RBFOX1: variants seen among roughly 807,000 people sequenced by gnomAD.
RBFOX1 encodes RNA binding protein fox-1 homolog 1.
Under a neutral mutation model 57.7 loss-of-function variants are expected in RBFOX1, and 8 were observed. The observed-to-expected ratio is 0.14, with a 90% CI of 0.08 to 0.25. The LOEUF (loss-of-function observed/expected upper bound fraction) is 0.25. Ranked by LOEUF, RBFOX1 falls within the 10% of genes least tolerant of loss-of-function variation. The pLI, the probability that RBFOX1 is intolerant of heterozygous loss-of-function variation, is 1.00. For missense variants in RBFOX1, 611 were observed against 548.5 expected (o/e 1.11, Z -1.14); for synonymous variants, 326 against 222.4 (o/e 1.47, Z -4.15).
chr16:5,901,157 C>T (rs184307915), intron 4 of RBFOX1, among the ~76,000 whole-genome samples: 72 of 152,302 alleles, frequency 4.7e-4, no homozygotes, highest in African/African-American at 1.7e-3. Flanking sequence ...CAGTCATGTT[C>T]GTCTCCCTGG....
intron 3 of RBFOX1, among the ~76,000 whole-genome samples, chr16:6,986,343 C>G (rs544322065): frequency 6.6e-6 from 1 of 152,028 alleles, no homozygotes; most frequent in African/African-American, 2.4e-5. Flanking sequence ...GGATTGCAGG[C>G]GTCTGCCACC....
chr16:7,446,837 G>A (rs554675526), intron 4 of RBFOX1, among the ~76,000 whole-genome samples: 1 of 101,360 alleles, frequency 9.9e-6, no homozygotes, highest in South Asian at 3.8e-4. Flanking sequence ...TTTTGAGACA[G>A]TGTCTCACTC....
At chr16:6,807,367 T>C (rs2087110651) in intron 3 of RBFOX1, among the ~76,000 whole-genome samples, 2 of 152,030 alleles carry the variant, frequency 1.3e-5, no homozygotes, top group African/African-American at 4.8e-5. Context: ...CAAGGATGAG[T>C]GAGTCCAAGT....
intron 3 of RBFOX1, among the ~76,000 whole-genome samples, chr16:6,850,597 C>G (rs138398790): frequency 6.6e-6 from 1 of 152,186 alleles, no homozygotes; most frequent in African/African-American, 2.4e-5. Flanking sequence ...AATTAAAGCA[C>G]TTCTTCCCAT....
At chr16:5,744,816 G>C (rs937351341) in intron 3 of RBFOX1, among the ~76,000 whole-genome samples, 6 of 152,070 alleles carry the variant, frequency 3.9e-5, no homozygotes, top group Admixed American at 6.5e-5. Context: ...GGAGTGCAGT[G>C]GTGCGATCTC....
intron 2 of RBFOX1, among the ~76,000 whole-genome samples, chr16:6,424,639 A>C (rs974490710): frequency 3.6e-4 from 4 of 11,084 alleles, no homozygotes; most frequent in Non-Finnish European, 8.7e-4. Flanking sequence ...GAACGTGGGG[A>C]GATAATTATA....
chr16:5,772,643 C>T (rs1470255928), intron 3 of RBFOX1, among the ~76,000 whole-genome samples: 3 of 152,126 alleles, frequency 2.0e-5, no homozygotes, highest in African/African-American at 7.2e-5. Context: ...GTGATCTATT[C>T]TGGAAGAAAC....
intron 14 of RBFOX1, among the ~76,000 whole-genome samples, chr16:7,696,496 A>G (rs78033814): frequency 0.037 from 5,650 of 152,238 alleles, 135 homozygotes; most frequent in Non-Finnish European, 0.056. Context: ...AGGGTCTGGT[A>G]TGAGAATGGA....
chr16:6,359,127 C>T (rs372996410), intron 2 of RBFOX1, among the ~76,000 whole-genome samples: 40 of 152,254 alleles, frequency 2.6e-4, no homozygotes, highest in African/African-American at 9.1e-4. Context: ...GAGTCTAGCT[C>T]TGTCACCCAG....
At chr16:5,786,874 G>A (rs964882361) in intron 3 of RBFOX1, among the ~76,000 whole-genome samples, 4 of 152,162 alleles carry the variant, frequency 2.6e-5, no homozygotes, top group Non-Finnish European at 4.4e-5. Context: ...GGCAGCTTGC[G>A]CCTGTAATCC....
At chr16:7,030,314 G>A (rs2042464428) in intron 3 of RBFOX1, among the ~76,000 whole-genome samples, 1 of 152,118 alleles carries the variant, frequency 6.6e-6, no homozygotes, top group Non-Finnish European at 1.5e-5. Context: ...AGGAAATGAG[G>A]CATATGAAAT....
chr16:7,347,161 G>T (rs532831886), intron 4 of RBFOX1, among the ~76,000 whole-genome samples: 1 of 152,252 alleles, frequency 6.6e-6, no homozygotes, highest in African/African-American at 2.4e-5. Flanking sequence ...TTTGGTTGTC[G>T]TAAGTGGATG....
At chr16:7,311,938 T>G (rs1316154862) in intron 4 of RBFOX1, among the ~76,000 whole-genome samples, 2 of 152,218 alleles carry the variant, frequency 1.3e-5, no homozygotes, top group Non-Finnish European at 2.9e-5. Context: ...TTTTTTTTGT[T>G]TATTTGGGGA....
At chr16:6,327,048 A>G (rs1160071438) in intron 2 of RBFOX1, among the ~76,000 whole-genome samples, 1 of 152,138 alleles carries the variant, frequency 6.6e-6, no homozygotes, top group African/African-American at 2.4e-5. Context: ...ACATGGAGGA[A>G]ATGAGATTCA....
At chr16:6,883,515 T>C (rs1445487944) in intron 3 of RBFOX1, among the ~76,000 whole-genome samples, 1 of 152,220 alleles carries the variant, frequency 6.6e-6, no homozygotes, top group African/African-American at 2.4e-5. Flanking sequence ...TTATAACTTG[T>C]TGTGTAAAGG....
intron 7 of RBFOX1, among the ~76,000 whole-genome samples, chr16:7,590,863 G>GAAAA (rs36061659): frequency 4.9e-5 from 5 of 102,912 alleles, no homozygotes; most frequent in African/African-American, 1.1e-4. Context: ...CTGTCTCTAA[G>GAAAA]AAAAAAAAAA....
intron 4 of RBFOX1, among the ~76,000 whole-genome samples, chr16:7,305,415 T>C (rs1438479616): frequency 6.6e-6 from 1 of 152,120 alleles, no homozygotes. Flanking sequence ...GGATGTGAAC[T>C]GAAGGGCTAG....
chr16:6,825,431 A>G (rs769851360), intron 3 of RBFOX1, among the ~76,000 whole-genome samples: 11 of 152,102 alleles, frequency 7.2e-5, no homozygotes, highest in Non-Finnish European at 1.3e-4. Context: ...GGCAGGGATG[A>G]TTTGAAAAGG....
rs552757545 is a variant in RBFOX1 at position 5,769,450 on chromosome 16, G to C, written c.319-97853G>C. On this transcript the variant is annotated intron_variant, in intron 3 of 19. Coordinates refer to the RBFOX1 transcript ENST00000641259. Reference sequence around the variant, plus strand: ...GAAGTCAGGAGTTTGAAACCAGCCTGGCCAACATGATGAAAGCCCATCTCT... The same window carrying C: ...GAAGTCAGGAGTTTGAAACCAGCCTCGCCAACATGATGAAAGCCCATCTCT... Among the ~76,000 whole-genome samples the C allele has an allele frequency of 1.2e-3, 178 of 150,992 alleles. 1 individual carries two copies. The highest frequency in any genetic ancestry group is 4.1e-3 in the African/African-American group (167 of 41,046).
Sources: allele counts gnomAD v4.1 joint callset (sites outside exome capture counted in the v4.1 genomes callset), GRCh38; gene constraint gnomAD v4.1.1; transcripts MANE v1.5; gene names NCBI Gene and HGNC (gene_info 2026-07-23, HGNC 2026-07-21).